COPS9: variants seen among roughly 807,000 people sequenced by gnomAD.
COPS9 encodes COP9 signalosome subunit 9.
COPS9 carries 8 observed loss-of-function variants against 7.2 expected under a neutral mutation model. The ratio of observed to expected loss-of-function variants is 1.11; its 90% CI spans 0.65 to 2.00. The LOEUF is 2.00. Among genes scored for constraint, COPS9 ranks in the 30% most tolerant of loss-of-function variants. The pLI, the probability that COPS9 is intolerant of heterozygous loss-of-function variation, is 0.00. For synonymous variants in COPS9, 39 were observed against 28.7 expected, an observed-to-expected ratio of 1.36 and a Z score of -1.14; for missense variants, 74 against 77.7, an observed-to-expected ratio of 0.95 and a Z score of 0.18.
downstream of COPS9, among the ~76,000 whole-genome samples, chr2:240,129,436 G>A (rs1226937796): frequency 6.6e-6 from 1 of 152,296 alleles, no homozygotes; most frequent in African/African-American, 2.4e-5. Context: ...CAAGAGCTGG[G>A]ATTACAGGAG....
chr2:240,135,170 T>G lies in COPS9; in HGVS notation c.63+1052A>C, dbSNP rs193244146. Among the ~76,000 whole-genome samples the G allele has an allele frequency of 3.5e-4, 53 of 152,152 alleles. 1 individual carries two copies. In the East Asian group the frequency reaches 5.4e-3, roughly 16 times the overall value. Reference sequence around the variant, plus strand: ...CTCTGGCACTGCACGCTCAACCATGTTAAACGACACAACATTCCCTTCCCT... The same window carrying G: ...CTCTGGCACTGCACGCTCAACCATGGTAAACGACACAACATTCCCTTCCCT... On this transcript the variant is annotated intron_variant, in intron 1 of 2. Transcript: ENST00000607357.
downstream of COPS9, chr2:240,127,056 C>G: frequency 7.5e-7 from 1 of 1,338,268 alleles, no homozygotes; most frequent in South Asian, 1.4e-5. Context: ...AGTATTTCTA[C>G]AAGGTACAGG....
At chr2:240,127,550 A>C (rs2071879157), downstream of COPS9, among the ~76,000 whole-genome samples, 1 of 151,596 alleles carries the variant, frequency 6.6e-6, no homozygotes. Context: ...CTCACCCCCA[A>C]CCCCCAGGTG....
In COPS9 at chr2:240,133,998, C is replaced by A; in HGVS notation, c.71G>T (p.Gly24Val). The change falls in exon 2 of 3, where the codon GGC becomes GTC. Residue 24 changes from glycine (G) to valine (V), a missense_variant. By Grantham distance (109) the Gly-to-Val change is moderately radical (BLOSUM62 -3). Transcript: ENST00000607357. The stretch of plus-strand genomic sequence containing the variant: ...CAAGTCCATCAAGAGCCCGGTGCTG[C>A]CTCCCGCCTGGGGAATGGAAAGGCA... ...GPYVDLDEAG[G>V]STGLLMDLAA... 1.2e-6 allele frequency: 2 copies of A among 1,614,120 alleles called. No individual in the cohort carries two copies. Among genetic ancestry groups the A allele is most frequent in the Non-Finnish European group, 1.7e-6 (2 of 1,180,008 alleles).
chr2:240,128,119 G>T (rs779237567), downstream of COPS9, among the ~76,000 whole-genome samples: 1 of 152,340 alleles, frequency 6.6e-6, no homozygotes, highest in South Asian at 2.1e-4. Context: ...CGGGCAAAGC[G>T]CACAGCTCGC....
At chr2:240,129,982 C>A, downstream of COPS9, 3 of 1,613,950 alleles carry the variant, frequency 1.9e-6, no homozygotes, top group East Asian at 2.2e-5. Flanking sequence ...CGCTGCAGTG[C>A]GGGAACCATG....
chr2:240,135,297 C>T (rs1174548512), intron 1 of COPS9, among the ~76,000 whole-genome samples: 2 of 152,312 alleles, frequency 1.3e-5, no homozygotes, highest in Non-Finnish European at 2.9e-5. Flanking sequence ...CATTTGGCCA[C>T]AGAGTCGACT....
chr2:240,133,991 G>A lies in COPS9; in HGVS notation c.78C>T (p.Thr26=), dbSNP rs758504929. 46 of 1,614,028 alleles carry A rather than the reference G, an allele frequency of 2.9e-5. No individual in the cohort carries two copies. The highest frequency in any genetic ancestry group is 3.6e-5 in the Non-Finnish European group (42 of 1,180,022). Residue 26 remains threonine, a synonymous_variant, in exon 2 of 3, where the codon ACC becomes ACT. Transcript: ENST00000607357. ...TGGCTGCCAAGTCCATCAAGAGCCCGGTGCTGCCTCCCGCCTGGGGAATGG... is the reference window on the plus strand; with the variant it reads ...TGGCTGCCAAGTCCATCAAGAGCCCAGTGCTGCCTCCCGCCTGGGGAATGG... ...YVDLDEAGGS[T]GLLMDLAANE...
At chr2:240,129,224 G>A (rs1462350071), downstream of COPS9, among the ~76,000 whole-genome samples, 3 of 152,218 alleles carry the variant, frequency 2.0e-5, no homozygotes, top group East Asian at 1.9e-4. Flanking sequence ...GTGCAGTGGT[G>A]CAATTATCGC....
At chr2:240,129,336 T>A (rs1035229108), downstream of COPS9, among the ~76,000 whole-genome samples, 9 of 152,190 alleles carry the variant, frequency 5.9e-5, no homozygotes, top group South Asian at 2.1e-4. Flanking sequence ...CTCATTTTTT[T>A]AATTTTTGTA....
In COPS9 at chr2:240,130,939, T is replaced by C; in HGVS notation, c.*112A>G. The C allele has an allele frequency of 6.6e-7, 1 of 1,507,200 alleles. No homozygotes were observed. Among genetic ancestry groups the C allele is most frequent in the East Asian group, 2.4e-5 (1 of 41,380 alleles). The allele number at this position is 1,507,200 out of a possible 1,614,324, so 93.4% of individuals were successfully genotyped here. The stretch of plus-strand genomic sequence containing the variant: ...CTTATCTTTCTGGTTAACCAGGTCC[T>C]AAATTCAAGGGATTTCCACGTGTTC... On this transcript the variant is annotated 3_prime_UTR_variant, in exon 3 of 3. Transcript: ENST00000607357.
chr2:240,129,782 C>T (rs915671567), downstream of COPS9: 56 of 706,892 alleles, frequency 7.9e-5, no homozygotes, highest in South Asian at 1.5e-4. Flanking sequence ...CAAGTGCAGA[C>T]GACGTGCACG....
At chr2:240,126,606 T>A (rs765543988), downstream of COPS9, 2 of 1,614,146 alleles carry the variant, frequency 1.2e-6, no homozygotes, top group Non-Finnish European at 1.7e-6. Context: ...CTTCCCTTCT[T>A]CTCCACCAGC....
chr2:240,130,074 G>T (rs903805933), downstream of COPS9: 1 of 1,486,418 alleles, frequency 6.7e-7, no homozygotes, highest in South Asian at 1.2e-5. Context: ...TGACAGGGTG[G>T]AAATCCACTC....
At position 240,131,041 on chromosome 2, in the gene COPS9, A is replaced by G. The variant is rs748044636; in HGVS notation, c.*10T>C. 1.9e-6 allele frequency: 3 copies of G among 1,613,048 alleles called. 1 individual carries two copies. The South Asian group carries it at 3.3e-5, about 18-fold the overall frequency. On this transcript the variant is annotated 3_prime_UTR_variant, in exon 3 of 3. Coordinates refer to ENST00000607357, the MANE Select transcript of COPS9 (RefSeq NM_001163424.2). ...CAAGGGCTTGGCCCCGCCTGCAGCCAGAGGGCATCTCACTGGATGTCATCA... is the reference window on the plus strand; with the variant it reads ...CAAGGGCTTGGCCCCGCCTGCAGCCGGAGGGCATCTCACTGGATGTCATCA...
chr2:240,131,900 T>C (rs1477534332), intron 2 of COPS9, among the ~76,000 whole-genome samples: 1 of 152,208 alleles, frequency 6.6e-6, no homozygotes, highest in Non-Finnish European at 1.5e-5. Flanking sequence ...AGGGGCCTGC[T>C]GGCACCACAG....
chr2:240,136,061 G>A, intron 1 of COPS9, 161 bp downstream of exon 1: 2 of 1,179,586 alleles, frequency 1.7e-6, no homozygotes, highest in Non-Finnish European at 2.2e-6. Flanking sequence ...GGTGCTCGGA[G>A]AAACCGGGAT....
rs907589332 is a variant in COPS9, at chr2:240,136,286, T to G, written c.-2A>C. 4 of 1,565,024 alleles carry G rather than the reference T, an allele frequency of 2.6e-6. No homozygotes were observed. The African/African-American group carries it at 5.7e-5, about 22-fold the overall frequency. On this transcript the variant is annotated 5_prime_UTR_variant, in exon 1 of 3. Transcript: ENST00000607357. ...CATCTCGTCCACCGCCGGCTTCATC[T>G]CGGGGCCGCGGCGCTCTAGGCTCAC... is the stretch of plus-strand genomic sequence containing the variant.
chr2:240,130,090 T>A, downstream of COPS9: 1 of 1,359,816 alleles, frequency 7.4e-7, no homozygotes, highest in Admixed American at 2.0e-5. Flanking sequence ...CACTCACCAC[T>A]CATGAGAAAA....
Sources: gnomAD v4.1 joint callset for allele counts (sites outside exome capture counted in the v4.1 genomes callset) on GRCh38, gnomAD v4.1.1 for gene constraint, MANE v1.5 for transcripts, NCBI Gene and HGNC (gene_info 2026-07-23, HGNC 2026-07-21) for gene names.